C2CD4C: variants seen among roughly 807,000 people sequenced by gnomAD.
C2CD4C encodes C2 calcium dependent domain containing 4C.
A neutral mutation model predicts 4.1 loss-of-function variants in C2CD4C; 3 were observed. That is an observed-to-expected ratio of 0.73 (90% confidence interval 0.33 to 1.88). The LOEUF (loss-of-function observed/expected upper bound fraction) is 1.88, where lower values mean the gene tolerates loss of function less well. Among genes scored for constraint, C2CD4C ranks in the 40% most tolerant of loss-of-function variants. C2CD4C has a pLI of 0.08. For synonymous variants in C2CD4C, 364 were observed against 290.4 expected (o/e 1.25, Z -2.57); for missense variants, 664 against 621.5 (o/e 1.07, Z -0.73).
chr19:407,714 G>A lies in C2CD4C; in HGVS notation c.648C>T (p.Ser216=), dbSNP rs1457386921. 41 of 1,527,196 alleles carry A rather than the reference G, an allele frequency of 2.7e-5. No homozygotes were observed. The highest frequency in any genetic ancestry group is 1.8e-4 in the Middle Eastern group (1 of 5,570). The allele number at this position is 1,527,196 out of a possible 1,614,324, so 94.6% of individuals were successfully genotyped here. A position where few individuals can be genotyped will look rare whatever the true frequency, so the allele number is the denominator to read the frequency against. Residue 216 remains serine (S), a synonymous_variant, in exon 2 of 2, where the codon AGC becomes AGT. Coordinates refer to ENST00000332235, the MANE Select transcript of C2CD4C (RefSeq NM_001136263.2). ...SPGRYFSGGE[S]DTGSSAESSP... ...AGGACTCGGCCGAGGACCCTGTGTC[G>A]CTCTCCCCGCCACTGAAGTAGCGGC...
chr19:407,347 C>T lies in C2CD4C; in HGVS notation c.1015G>A (p.Ala339Thr), dbSNP rs1289061268. Residue 339 changes from alanine (A) to threonine (T), a missense_variant, in exon 2 of 2, where the codon GCC (alanine) becomes ACC (threonine). Ala to Thr is a moderately conservative substitution (Grantham distance 58). Coordinates refer to ENST00000332235, the MANE Select transcript of C2CD4C (RefSeq NM_001136263.2). ...CCCACGCAGCAGTTGATGCTGCGGG[C>T]GTCGCACAGGCGGTCGTAGAGGCCC... is the stretch of plus-strand genomic sequence containing the variant. Reference protein sequence around the residue: ...AEGLYDRLCDARSINCCVGLC... With the variant: ...AEGLYDRLCDTRSINCCVGLC... 7 of 1,546,764 alleles carry T rather than the reference C, an allele frequency of 4.5e-6. No homozygotes were observed. The highest frequency in any genetic ancestry group is 1.4e-5 in the African/African-American group (1 of 73,050).
Position 408,180 on chromosome 19 carries a change from G to A in C2CD4C, c.182C>T (p.Ala61Val), listed in dbSNP as rs1411633935. The change falls in exon 2 of 2, where the codon GCG (alanine) becomes GTG (valine). Residue 61 changes from alanine to valine, a missense_variant. By Grantham distance (64) the Ala-to-Val change is moderately conservative (BLOSUM62 0). Transcript: ENST00000332235. ...CAGCGCGGCCTGTCCCTCGCCCTCCGCGGGGCCCGAGGGCAGCTTGGGGGG... is the reference window on the plus strand; with the variant it reads ...CAGCGCGGCCTGTCCCTCGCCCTCCACGGGGCCCGAGGGCAGCTTGGGGGG... ...FIPPKLPSGP[A>V]EGEGQAALGP... is the part of the protein sequence containing the mutation. 11 of 1,450,842 alleles carry A rather than the reference G, an allele frequency of 7.6e-6. No individual in the cohort carries two copies. Among genetic ancestry groups the A allele is most frequent in the Middle Eastern group, 1.8e-4 (1 of 5,530 alleles). The allele number at this position is 1,450,842 out of a possible 1,614,324, so 89.9% of individuals were successfully genotyped here. A position where few individuals can be genotyped will look rare whatever the true frequency, so the allele number is the denominator to read the frequency against.
chr19:406,914 G>C lies in C2CD4C; in HGVS notation c.*182C>G, dbSNP rs767892105. On this transcript the variant is annotated 3_prime_UTR_variant, in exon 2 of 2. Transcript: ENST00000332235. The stretch of plus-strand genomic sequence containing the variant: ...TTCATGAAAAATAATACTCCAGTCA[G>C]CATCGGGTGACCCAGGAAACCCTGC... 20 of 581,966 alleles carry C rather than the reference G, an allele frequency of 3.4e-5. No homozygotes were observed. The highest frequency in any genetic ancestry group is 5.7e-5 in the Non-Finnish European group (19 of 334,394). The allele number at this position is 581,966 out of a possible 1,614,324, so 36.1% of individuals were successfully genotyped here.
chr19:406,703 C>G lies in C2CD4C; in HGVS notation c.*393G>C. 1 of 180,316 alleles carries G rather than the reference C, an allele frequency of 5.5e-6. No homozygotes were observed. Among genetic ancestry groups the G allele is most frequent in the Non-Finnish European group, 1.1e-5 (1 of 87,270 alleles). 11.2% of individuals were successfully genotyped at this position (180,316 alleles called of 1,614,324 possible). On this transcript the variant is annotated 3_prime_UTR_variant, in exon 2 of 2. Coordinates refer to ENST00000332235, the MANE Select transcript of C2CD4C (RefSeq NM_001136263.2). ...GCTCCAAGACTTGTCACCTCCCTGT[C>G]CACGGCCCCGCCCTGGCCACATGCA...
In C2CD4C at chr19:407,267, G is replaced by C; in HGVS notation, c.1095C>G (p.Asn365Lys). 6.5e-7 allele frequency: 1 copy of C among 1,550,212 alleles called. No individual in the cohort carries two copies. The highest frequency in any genetic ancestry group is 8.7e-7 in the Non-Finnish European group (1 of 1,146,870). ...CCTCGTTGAAGACGGGGCGGCGGCT[G>C]TTCTTCACGATGGTGCTGCGCTGCT... ...LQKQRSTIVK[N>K]SRRPVFNEDF... The change falls in exon 2 of 2, where the codon AAC becomes AAG. Residue 365 changes from asparagine (N) to lysine (K), a missense_variant. Transcript: ENST00000332235.
chr19:408,289 C>T lies in C2CD4C; in HGVS notation c.73G>A (p.Gly25Arg), dbSNP rs1974030976. 3.3e-6 allele frequency: 5 copies of T among 1,535,774 alleles called. No individual in the cohort carries two copies. In the African/African-American group the frequency reaches 5.6e-5, roughly 17 times the overall value. The change falls in exon 2 of 2, where the codon GGG (glycine) becomes AGG (arginine). Residue 25 changes from glycine (G) to arginine (R), a missense_variant. By Grantham distance (125) the Gly-to-Arg change is moderately radical. Transcript: ENST00000332235. Reference protein sequence around the residue: ...SGENGAARGVGSEAGDKASKG... With the variant: ...SGENGAARGVRSEAGDKASKG... Reference sequence around the variant, plus strand: ...GAGGCCTTGTCCCCCGCCTCACTCCCCACGCCCCGGGCAGCACCGTTTTCC... The same window carrying T: ...GAGGCCTTGTCCCCCGCCTCACTCCTCACGCCCCGGGCAGCACCGTTTTCC...
At position 408,319 on chromosome 19, in the gene C2CD4C, A is replaced by G. The variant is rs1050777396; in HGVS notation, c.43T>C (p.Ser15Pro). The G allele has an allele frequency of 8.4e-6, 13 of 1,546,858 alleles. No homozygotes were observed. The highest frequency in any genetic ancestry group is 1.0e-5 in the Non-Finnish European group (12 of 1,145,532). ...CCCCGGGCAGCACCGTTTTCCCCAG[A>G]CCCCCGAAGCCGCTCCAAGAACCAC... ...NMWFLERLRG[S>P]GENGAARGVG... is the part of the protein sequence containing the mutation. Residue 15 changes from serine to proline, a missense_variant, in exon 2 of 2, where the codon TCT becomes CCT. By Grantham distance (74) the Ser-to-Pro change is moderately conservative. Transcript: ENST00000332235.
chr19:407,774 GC>G lies in C2CD4C; in HGVS notation c.587del (p.Gly196AlafsTer10). 6.6e-7 allele frequency: 1 copy of G among 1,518,138 alleles called. No individual in the cohort carries two copies. The highest frequency in any genetic ancestry group is 8.8e-7 in the Non-Finnish European group (1 of 1,132,514). The allele number at this position is 1,518,138 out of a possible 1,614,324, so 94.0% of individuals were successfully genotyped here. On this transcript the variant is annotated frameshift_variant, in exon 2 of 2. Transcript: ENST00000332235. LOFTEE classifies it low-confidence loss of function (END_TRUNC). ...AAAKANGGDGGPREAGGALMS... is the reference protein window; with the variant it reads ...AAAKANGGDGXPREAGGALMS... ...TGAGGGCCCCGCCAGCCTCCCTGGG[GC>G]CCCCATCACCCCCGTTGGCCTTGGC...
At position 406,980 on chromosome 19, in the gene C2CD4C, G is replaced by GCCCCCA; in HGVS notation, c.*115_*116insTGGGGG. 6 of 636,470 alleles carry GCCCCCA rather than the reference G, an allele frequency of 9.4e-6. No individual in the cohort carries two copies. The highest frequency in any genetic ancestry group is 3.7e-5 in the East Asian group (1 of 27,028). The allele number at this position is 636,470 out of a possible 1,614,324, so 39.4% of individuals were successfully genotyped here. On this transcript the variant is annotated 3_prime_UTR_variant, in exon 2 of 2. Transcript: ENST00000332235. Reference sequence around the variant, plus strand: ...AGCGCCCAGCCCAGCCTGAGTGTGAGCCCCTCCCCGGCCAGCCCCAGCCCA... The same window carrying GCCCCCA: ...AGCGCCCAGCCCAGCCTGAGTGTGAGCCCCCACCCCTCCCCGGCCAGCCCCAGCCCA...
intron 1 of C2CD4C, among the ~76,000 whole-genome samples, chr19:408,796 C>T (rs1016943940): frequency 6.6e-6 from 1 of 152,134 alleles, no homozygotes; most frequent in Non-Finnish European, 1.5e-5. Flanking sequence ...CCAGCTCCGC[C>T]CCCCCGGCTC....
chr19:407,876 C>T lies in C2CD4C; in HGVS notation c.486G>A (p.Lys162=), dbSNP rs1316703793. 2 of 1,549,112 alleles carry T rather than the reference C, an allele frequency of 1.3e-6. No homozygotes were observed. Among genetic ancestry groups the T allele is most frequent in the African/African-American group, 1.4e-5 (1 of 72,992 alleles). ...CGTGCTCACTGTGGAACAGAGACTC[C>T]TTGCGCCTCGTGTGGGGGCTCTCAG... The part of the protein sequence containing the change: ...MLAESPHTRR[K]ESLFHSEHGA... The change falls in exon 2 of 2, where the codon AAG becomes AAA. Residue 162 remains lysine, a synonymous_variant. Transcript: ENST00000332235.
intron 1 of C2CD4C, among the ~76,000 whole-genome samples, chr19:408,723 T>G (rs1974041438): frequency 6.6e-6 from 1 of 152,108 alleles, no homozygotes; most frequent in Non-Finnish European, 1.5e-5. Context: ...CAGCGCTCAT[T>G]CCAAAGGGTT....
chr19:406,982 C>CCCAG lies in C2CD4C; in HGVS notation c.*113_*114insCTGG. ...CGCCCAGCCCAGCCTGAGTGTGAGCCCCTCCCCGGCCAGCCCCAGCCCAAG... is the reference window on the plus strand; with the variant it reads ...CGCCCAGCCCAGCCTGAGTGTGAGCCCCAGCCTCCCCGGCCAGCCCCAGCCCAAG... On this transcript the variant is annotated 3_prime_UTR_variant, in exon 2 of 2. Transcript: ENST00000332235. The CCCAG allele has an allele frequency of 1.6e-6, 1 of 640,742 alleles. No individual in the cohort carries two copies. Among genetic ancestry groups the CCCAG allele is most frequent in the Non-Finnish European group, 2.5e-6 (1 of 400,744 alleles). 39.7% of individuals were successfully genotyped at this position (640,742 alleles called of 1,614,324 possible).
Position 408,168 on chromosome 19 carries a change from C to T in C2CD4C, c.194G>A (p.Gly65Glu). ...KLPSGPAEGE[G>E]QAALGPSTSE... The stretch of plus-strand genomic sequence containing the variant: ...CGTGGAGGGGCCCAGCGCGGCCTGT[C>T]CCTCGCCCTCCGCGGGGCCCGAGGG... The change falls in exon 2 of 2, where the codon GGA becomes GAA. Residue 65 changes from glycine (G) to glutamate (E), a missense_variant. Gly to Glu is a moderately conservative substitution (Grantham distance 98, BLOSUM62 -2). Coordinates refer to ENST00000332235, the MANE Select transcript of C2CD4C (RefSeq NM_001136263.2). The T allele has an allele frequency of 6.9e-7, 1 of 1,452,114 alleles. No homozygotes were observed. The highest frequency in any genetic ancestry group is 9.1e-7 in the Non-Finnish European group (1 of 1,102,190). The allele number at this position is 1,452,114 out of a possible 1,614,324, so 90.0% of individuals were successfully genotyped here.
In C2CD4C at chr19:407,463, G is replaced by A. The variant is rs146964261; in HGVS notation, c.899C>T (p.Thr300Met). ...PESGQARGEH[T>M]VHVGPRGSVR... is the part of the protein sequence containing the mutation. ...GCTGCCCCGAGGGCCCACGTGGACCGTGTGCTCCCCACGCGCCTGGCCCGA... is the reference window on the plus strand; with the variant it reads ...GCTGCCCCGAGGGCCCACGTGGACCATGTGCTCCCCACGCGCCTGGCCCGA... The change falls in exon 2 of 2, where the codon ACG becomes ATG. Residue 300 changes from threonine (T) to methionine (M), a missense_variant. Coordinates refer to ENST00000332235, the MANE Select transcript of C2CD4C (RefSeq NM_001136263.2). 14,042 of 1,422,772 alleles carry A rather than the reference G, an allele frequency of 9.9e-3. 100 individuals carry two copies. The highest frequency in any genetic ancestry group is 0.012 in the Non-Finnish European group (13,035 of 1,095,204). The allele number at this position is 1,422,772 out of a possible 1,614,324, so 88.1% of individuals were successfully genotyped here. A position where few individuals can be genotyped will look rare whatever the true frequency, so the allele number is the denominator to read the frequency against.
chr19:407,864 G>C lies in C2CD4C; in HGVS notation c.498C>G (p.Phe166Leu), dbSNP rs1177068454. Residue 166 changes from phenylalanine (F) to leucine (L), a missense_variant, in exon 2 of 2, where the codon TTC (phenylalanine) becomes TTG (leucine). Phe to Leu is a conservative substitution (Grantham distance 22). Transcript: ENST00000332235. ...SPHTRRKESL[F>L]HSEHGALAQV... Reference sequence around the variant, plus strand: ...GGGCCAGAGCCCCGTGCTCACTGTGGAACAGAGACTCCTTGCGCCTCGTGT... The same window carrying C: ...GGGCCAGAGCCCCGTGCTCACTGTGCAACAGAGACTCCTTGCGCCTCGTGT... 1 of 1,549,040 alleles carries C rather than the reference G, an allele frequency of 6.5e-7. No homozygotes were observed. Among genetic ancestry groups the C allele is most frequent in the Non-Finnish European group, 8.7e-7 (1 of 1,146,382 alleles).
rs1974014298 is a variant in C2CD4C, at chr19:407,706, C to G, written c.656G>C (p.Gly219Ala). The change falls in exon 2 of 2, where the codon GGG becomes GCG. Residue 219 changes from glycine (G) to alanine (A), a missense_variant. Coordinates refer to ENST00000332235, the MANE Select transcript of C2CD4C (RefSeq NM_001136263.2). The stretch of plus-strand genomic sequence containing the variant: ...GAAGGGGGAGGACTCGGCCGAGGAC[C>G]CTGTGTCGCTCTCCCCGCCACTGAA... ...RYFSGGESDT[G>A]SSAESSPFGS... The G allele has an allele frequency of 2.0e-6, 3 of 1,532,706 alleles. No individual in the cohort carries two copies. The highest frequency in any genetic ancestry group is 2.6e-6 in the Non-Finnish European group (3 of 1,138,616). 94.9% of individuals were successfully genotyped at this position (1,532,706 alleles called of 1,614,324 possible).
Position 407,194 on chromosome 19 carries a change from G to A in C2CD4C, c.1168C>T (p.Leu390Phe), listed in dbSNP as rs1974004640. The A allele has an allele frequency of 6.5e-7, 1 of 1,550,234 alleles. No homozygotes were observed. Among genetic ancestry groups the A allele is most frequent in the Non-Finnish European group, 8.7e-7 (1 of 1,146,876 alleles). ...CCCTTGTTCACCACCTTGATCCTGAGGGCCAGTTTCCGGACGCTGGCGGGC... is the reference window on the plus strand; with the variant it reads ...CCCTTGTTCACCACCTTGATCCTGAAGGCCAGTTTCCGGACGCTGGCGGGC... ...LGPASVRKLA[L>F]RIKVVNKGSS... The change falls in exon 2 of 2, where the codon CTC (leucine) becomes TTC (phenylalanine). Residue 390 changes from leucine to phenylalanine, a missense_variant. Coordinates refer to ENST00000332235, the MANE Select transcript of C2CD4C (RefSeq NM_001136263.2).
rs1973980255 is a variant in C2CD4C at position 406,100 on chromosome 19, T to C, written c.*996A>G. On this transcript the variant is annotated 3_prime_UTR_variant, in exon 2 of 2. Transcript: ENST00000332235. ...AGCCACCTAACAGCAGGAAAGGCCATAGCCAGGTCCCCCCAGCTGCCTCCT... is the reference window on the plus strand; with the variant it reads ...AGCCACCTAACAGCAGGAAAGGCCACAGCCAGGTCCCCCCAGCTGCCTCCT... 6.6e-6 allele frequency: 1 copy of C among 152,298 alleles called. No individual in the cohort carries two copies. The highest frequency in any genetic ancestry group is 2.1e-4 in the South Asian group (1 of 4,830). The allele number at this position is 152,298 out of a possible 1,614,324, so 9.4% of individuals were successfully genotyped here.
Sources: gnomAD v4.1 joint callset for allele counts (sites outside exome capture counted in the v4.1 genomes callset) on GRCh38, gnomAD v4.1.1 for gene constraint, MANE v1.5 for transcripts, NCBI Gene and HGNC (gene_info 2026-07-23, HGNC 2026-07-21) for gene names.